RYR2: variants seen among roughly 807,000 people sequenced by gnomAD.
The protein encoded by RYR2 is ryanodine receptor 2.
In RYR2, 227 loss-of-function variants were observed where a neutral mutation model predicts 601.1. That is an observed-to-expected ratio of 0.38 (90% CI 0.34 to 0.42). The LOEUF (loss-of-function observed/expected upper bound fraction) is 0.42. Among genes scored for constraint, RYR2 ranks in the 10% least tolerant of loss-of-function variants. RYR2 has a pLI of 1.00. For synonymous variants in RYR2, 2,223 were observed against 2,175.1 expected (o/e 1.02, Z -0.61); for missense variants, 4,646 against 6,156.5 (o/e 0.75, Z 8.21).
At chr1:237,609,824 A>G (rs1677623911) in intron 35 of RYR2, among the ~76,000 whole-genome samples, 1 of 152,086 alleles carries the variant, frequency 6.6e-6, no homozygotes, top group Non-Finnish European at 1.5e-5. Context: ...CATTTAATTT[A>G]CTTATTGATT....
intron 61 of RYR2, among the ~76,000 whole-genome samples, chr1:237,679,517 T>C (rs77377000): frequency 6.6e-6 from 1 of 152,142 alleles, no homozygotes; most frequent in Non-Finnish European, 1.5e-5. Context: ...GTTCTTGCTA[T>C]GGGCCCGTCA....
rs202090317 is a variant in RYR2 at position 237,368,799 on chromosome 1, GTTTATTTATTTA to G, written c.310-704_310-693del. On this transcript the variant is annotated intron_variant, in intron 5 of 104. Coordinates refer to ENST00000366574, the MANE Select transcript of RYR2 (RefSeq NM_001035.3). ...AGGAATACTCATTCGTTGAATCAAC[GTTTATTTATTTA>G]TTTATTTATTTATTTATTTATTTAT... Among the ~76,000 whole-genome samples, 430 of 129,226 alleles carry G rather than the reference GTTTATTTATTTA, an allele frequency of 3.3e-3. 3 individuals are homozygous for G. Among genetic ancestry groups the G allele is most frequent in the Middle Eastern group, 7.8e-3 (2 of 258 alleles). 84.8% of individuals were successfully genotyped at this position (129,226 alleles called of 152,430 possible).
rs781756026 is a variant in RYR2, at chr1:237,625,777, C to A, written c.6139C>A (p.Pro2047Thr). The change falls in exon 40 of 105, where the codon CCA (proline) becomes ACA (threonine). Residue 2047 changes from proline to threonine, a missense_variant. Coordinates refer to ENST00000366574, the MANE Select transcript of RYR2 (RefSeq NM_001035.3). The part of the protein sequence containing the change: ...TYLKKKQAEK[P>T]VESDSKKSST... ...TCTGAAGAAGAAGCAAGCAGAAAAACCAGTTGAGAGTGACTCCAAAAAGTC... is the reference window on the plus strand; with the variant it reads ...TCTGAAGAAGAAGCAAGCAGAAAAAACAGTTGAGAGTGACTCCAAAAAGTC... The A allele has an allele frequency of 1.9e-6, 3 of 1,613,526 alleles. No homozygotes were observed. The highest frequency in any genetic ancestry group is 2.5e-6 in the Non-Finnish European group (3 of 1,179,738).
rs761490797 is a variant in RYR2 at position 237,770,902 on chromosome 1, G to A, written c.11557+15G>A. The A allele has an allele frequency of 3.5e-5, 53 of 1,507,526 alleles. No individual in the cohort carries two copies. Among genetic ancestry groups the A allele is most frequent in the Admixed American group, 2.6e-4 (13 of 50,216 alleles). The allele number at this position is 1,507,526 out of a possible 1,614,324, so 93.4% of individuals were successfully genotyped here. A position where few individuals can be genotyped will look rare whatever the true frequency, so the allele number is the denominator to read the frequency against. ...ACACAACTCAGGTTTGTGAGTCCCC[G>A]GAACTTCTGATGATACTAAGGCATA... On this transcript the variant is annotated intron_variant, in intron 85 of 104. Transcript: ENST00000366574.
chr1:237,137,372 TG>T, intron 1 of RYR2, among the ~76,000 whole-genome samples: 1 of 152,080 alleles, frequency 6.6e-6, no homozygotes, highest in Non-Finnish European at 1.5e-5. Flanking sequence ...AGAGCAAGCA[TG>T]GGGGCATAAC....
intron 1 of RYR2, among the ~76,000 whole-genome samples, chr1:237,082,216 T>G (rs1173440789): frequency 6.6e-6 from 1 of 152,036 alleles, no homozygotes; most frequent in Non-Finnish European, 1.5e-5. Context: ...CAGGATCATG[T>G]GAGGTATGGG....
intron 3 of RYR2, among the ~76,000 whole-genome samples, chr1:237,346,181 C>G (rs1043554976): frequency 1.3e-5 from 2 of 151,964 alleles, no homozygotes; most frequent in East Asian, 3.9e-4. Context: ...GCCTGGGCAA[C>G]ATGGCGAGAC....
chr1:237,289,504 A>T (rs4659783), intron 2 of RYR2, among the ~76,000 whole-genome samples: 70,155 of 152,064 alleles, frequency 0.46, 18,343 homozygotes, highest in East Asian at 0.6. Flanking sequence ...ACATGATGGC[A>T]GCAAGGAGAA....
chr1:237,780,222 G>A (rs1457470881), intron 88 of RYR2, among the ~76,000 whole-genome samples: 1 of 152,220 alleles, frequency 6.6e-6, no homozygotes, highest in Admixed American at 6.5e-5. Flanking sequence ...TGGTCAAGGA[G>A]AGAATGTCAG....
At chr1:237,487,714 C>T (rs1662854279) in intron 17 of RYR2, among the ~76,000 whole-genome samples, 1 of 151,152 alleles carries the variant, frequency 6.6e-6, no homozygotes, top group Non-Finnish European at 1.5e-5. Context: ...GCCTGGGCAA[C>T]TAAGCAAGAT....
intron 101 of RYR2, among the ~76,000 whole-genome samples, chr1:237,825,394 G>A (rs1213829880): frequency 6.6e-6 from 1 of 152,104 alleles, no homozygotes; most frequent in Non-Finnish European, 1.5e-5. Context: ...TGACAAACCT[G>A]ACAAAAAGAA....
intron 46 of RYR2, among the ~76,000 whole-genome samples, chr1:237,639,588 T>C (rs1681245218): frequency 6.6e-6 from 1 of 152,110 alleles, no homozygotes; most frequent in Non-Finnish European, 1.5e-5. Flanking sequence ...CTTTCGCAAA[T>C]GAAAGGGGGA....
chr1:237,223,922 C>T (rs958748393), intron 1 of RYR2, among the ~76,000 whole-genome samples: 2 of 152,172 alleles, frequency 1.3e-5, no homozygotes, highest in African/African-American at 2.4e-5. Context: ...CCACAATAGA[C>T]AAATGTGAGT....
intron 37 of RYR2, among the ~76,000 whole-genome samples, chr1:237,615,583 T>A (rs999396960): frequency 1.3e-5 from 2 of 152,180 alleles, no homozygotes; most frequent in African/African-American, 4.8e-5. Context: ...CTCCTCTGTT[T>A]ATTAAAGTCA....
At chr1:237,721,829 A>G (rs1449372180) in intron 73 of RYR2, among the ~76,000 whole-genome samples, 1 of 152,078 alleles carries the variant, frequency 6.6e-6, no homozygotes, top group Non-Finnish European at 1.5e-5. Flanking sequence ...TGCTTTGTCC[A>G]TTTTTAATAA....
At chr1:237,808,304 C>T (rs911618106) in intron 99 of RYR2, among the ~76,000 whole-genome samples, 2 of 152,102 alleles carry the variant, frequency 1.3e-5, no homozygotes, top group African/African-American at 4.8e-5. Flanking sequence ...AAATAATTTA[C>T]AGTCATAACA....
chr1:237,359,646 C>T (rs1179936283), intron 4 of RYR2, among the ~76,000 whole-genome samples: 2 of 152,110 alleles, frequency 1.3e-5, no homozygotes, highest in Admixed American at 1.3e-4. Flanking sequence ...CTTTCTCCCT[C>T]CCCTCTCCAT....
intron 98 of RYR2, among the ~76,000 whole-genome samples, chr1:237,804,270 C>G (rs2487790): frequency 0.15 from 19,604 of 134,008 alleles, 1,667 homozygotes; most frequent in East Asian, 0.37. Context: ...ACCCACCACT[C>G]AAACCAAATT....
At chr1:237,097,452 C>G (rs190465005) in intron 1 of RYR2, among the ~76,000 whole-genome samples, 1 of 152,262 alleles carries the variant, frequency 6.6e-6, no homozygotes, top group East Asian at 1.9e-4. Context: ...TTGAGATCTC[C>G]TATTGCTTAA....
Sources: gnomAD v4.1 joint callset for allele counts (sites outside exome capture counted in the v4.1 genomes callset) on GRCh38, gnomAD v4.1.1 for gene constraint, MANE v1.5 for transcripts, NCBI Gene and HGNC (gene_info 2026-07-23, HGNC 2026-07-21) for gene names.